The following HS2ST1 variants were observed in gnomAD, a reference collection of about 807,000 sequenced individuals.
HS2ST1 encodes the protein heparan sulfate 2-O-sulfotransferase 1, also known as 2-O-sulfotransferase.
In HS2ST1, 18 loss-of-function variants were observed where a neutral mutation model predicts 42.9. That is an observed-to-expected ratio of 0.42 (90% CI 0.29 to 0.62). The LOEUF (loss-of-function observed/expected upper bound fraction) is 0.62, where lower values mean the gene tolerates loss of function less well. Among genes scored for constraint, HS2ST1 ranks in the 20% least tolerant of loss-of-function variants. HS2ST1 has a pLI of 0.21. For missense variants in HS2ST1, 334 were observed against 433.8 expected (o/e 0.77, Z 2.04); for synonymous variants, 146 against 152.9 (o/e 0.95, Z 0.33).
chr1:87,015,355 T>TG (rs1649722566), intron 1 of HS2ST1, among the ~76,000 whole-genome samples: 1 of 143,238 alleles, frequency 7.0e-6, no homozygotes, highest in Non-Finnish European at 1.5e-5. Context: ...CCTGTTTTTT[T>TG]TTTTTTTTTT....
intron 1 of HS2ST1, among the ~76,000 whole-genome samples, chr1:86,964,369 ACT>A (rs1203407698): frequency 6.6e-6 from 1 of 152,146 alleles, no homozygotes; most frequent in African/African-American, 2.4e-5. Context: ...AATGAACGAG[ACT>A]CTGTCTGCAA....
chr1:87,025,080 A>G (rs1419553162), intron 1 of HS2ST1, among the ~76,000 whole-genome samples: 1 of 152,220 alleles, frequency 6.6e-6, no homozygotes, highest in Non-Finnish European at 1.5e-5. Context: ...AACATAGAGA[A>G]TTGGTTACAT....
At chr1:87,082,902 T>C (rs944887594) in intron 2 of HS2ST1, among the ~76,000 whole-genome samples, 7 of 152,228 alleles carry the variant, frequency 4.6e-5, no homozygotes, top group African/African-American at 1.7e-4. Context: ...TAATGCAAAC[T>C]AATTTTTATC....
intron 1 of HS2ST1, among the ~76,000 whole-genome samples, chr1:87,034,947 G>A (rs915294713): frequency 1.7e-4 from 26 of 152,136 alleles, no homozygotes; most frequent in African/African-American, 6.3e-4. Context: ...GTAATTTCAA[G>A]TATCCTTATA....
intron 1 of HS2ST1, among the ~76,000 whole-genome samples, chr1:87,020,662 T>C (rs1649917306): frequency 6.6e-6 from 1 of 152,188 alleles, no homozygotes; most frequent in Non-Finnish European, 1.5e-5. Flanking sequence ...GATCAAGGTG[T>C]TGGCAGGGTT....
At chr1:86,932,635 A>G (rs1310738240) in intron 1 of HS2ST1, among the ~76,000 whole-genome samples, 1 of 152,180 alleles carries the variant, frequency 6.6e-6, no homozygotes. Context: ...TGTCTGTATT[A>G]GAACAGCATT....
chr1:87,007,857 C>T (rs1224544884), intron 1 of HS2ST1, among the ~76,000 whole-genome samples: 1 of 152,038 alleles, frequency 6.6e-6, no homozygotes, highest in Admixed American at 6.6e-5. Flanking sequence ...TATTCCTGTG[C>T]ATCTATTTTT....
At chr1:87,079,757 G>T (rs1011458921) in intron 2 of HS2ST1, among the ~76,000 whole-genome samples, 2 of 151,912 alleles carry the variant, frequency 1.3e-5, no homozygotes, top group African/African-American at 2.4e-5. Context: ...AATAGTAGAG[G>T]CCAGGCACAG....
intron 3 of HS2ST1, among the ~76,000 whole-genome samples, chr1:87,091,776 T>A (rs560656822): frequency 2.5e-4 from 38 of 152,160 alleles, no homozygotes; most frequent in African/African-American, 8.9e-4. Context: ...GACAAGGGTG[T>A]ATAATAAAAC....
chr1:86,922,638 C>G (rs1660324485), intron 1 of HS2ST1, among the ~76,000 whole-genome samples: 1 of 152,110 alleles, frequency 6.6e-6, no homozygotes, highest in Non-Finnish European at 1.5e-5. Flanking sequence ...TGTTTCAGTA[C>G]TTTAAAGATA....
intron 1 of HS2ST1, among the ~76,000 whole-genome samples, chr1:86,953,243 G>T (rs1647575475): frequency 6.6e-6 from 1 of 152,204 alleles, no homozygotes; most frequent in Non-Finnish European, 1.5e-5. Context: ...TCTGGGGTAG[G>T]CTTTGACTTA....
At chr1:86,961,563 T>A (rs1446379772) in intron 1 of HS2ST1, among the ~76,000 whole-genome samples, 2 of 152,176 alleles carry the variant, frequency 1.3e-5, no homozygotes, top group East Asian at 3.8e-4. Context: ...TCTAAGTCTT[T>A]AAATTGTACA....
intron 1 of HS2ST1, chr1:86,958,466 C>G (rs1243205916): frequency 6.6e-6 from 1 of 152,380 alleles, no homozygotes; most frequent in Non-Finnish European, 1.5e-5. Flanking sequence ...AGGAGTTGGT[C>G]TTGCTGTCTC....
At chr1:86,941,476 A>T (rs1660761074) in intron 1 of HS2ST1, among the ~76,000 whole-genome samples, 1 of 139,032 alleles carries the variant, frequency 7.2e-6, no homozygotes, top group South Asian at 2.2e-4. Context: ...CTACATTTAT[A>T]AAAAAAAAAT....
At chr1:87,014,387 A>G (rs1185744659) in intron 1 of HS2ST1, among the ~76,000 whole-genome samples, 1 of 152,196 alleles carries the variant, frequency 6.6e-6, no homozygotes, top group African/African-American at 2.4e-5. Context: ...TAGTACAAGA[A>G]CAGCATGGGA....
chr1:86,933,489 T>G (rs916128078), intron 1 of HS2ST1, among the ~76,000 whole-genome samples: 1 of 152,208 alleles, frequency 6.6e-6, no homozygotes, highest in Middle Eastern at 3.2e-3. Flanking sequence ...TTTTGTTATT[T>G]CCATTTCAGT....
chr1:87,043,289 A>G (rs1184751421), intron 1 of HS2ST1, among the ~76,000 whole-genome samples: 1 of 152,118 alleles, frequency 6.6e-6, no homozygotes, highest in East Asian at 1.9e-4. Flanking sequence ...TATTCTGGGT[A>G]AAAAATAATA....
intron 2 of HS2ST1, among the ~76,000 whole-genome samples, chr1:87,083,891 C>G (rs1651753287): frequency 6.6e-6 from 1 of 152,044 alleles, no homozygotes; most frequent in Non-Finnish European, 1.5e-5. Context: ...ACATACACCC[C>G]CACAACGACC....
intron 2 of HS2ST1, among the ~76,000 whole-genome samples, chr1:87,079,167 G>A (rs535066126): frequency 1.5e-4 from 23 of 149,806 alleles, no homozygotes; most frequent in African/African-American, 4.7e-4. Context: ...TTGCTCGGTC[G>A]CCCAGGCTGG....
Sources: allele counts gnomAD v4.1 joint callset (sites outside exome capture counted in the v4.1 genomes callset), GRCh38; gene constraint gnomAD v4.1.1; transcripts MANE v1.5; gene names NCBI Gene and HGNC (gene_info 2026-07-23, HGNC 2026-07-21).